Variants in TBC1D22A observed in about 807,000 individuals in gnomAD.
The protein encoded by TBC1D22A is putative GTPase activator.
In TBC1D22A, 38 loss-of-function variants were observed where a neutral mutation model predicts 60.2. The ratio of observed to expected loss-of-function variants is 0.63; its 90% CI spans 0.49 to 0.83. The LOEUF (loss-of-function observed/expected upper bound fraction) is 0.83. Among genes scored for constraint, TBC1D22A ranks in the 40% least tolerant of loss-of-function variants. The probability of loss-of-function intolerance (pLI) is 0.00; values close to 1 mark genes in which losing one functional copy is unlikely to be tolerated. For synonymous variants in TBC1D22A, 302 were observed against 281.7 expected, an observed-to-expected ratio of 1.07 and a Z score of -0.72; for missense variants, 628 against 701.0, an observed-to-expected ratio of 0.90 and a Z score of 1.18.
rs776373980 is a variant in TBC1D22A at position 47,028,039 on chromosome 22, CAT to C, written c.1202-9029_1202-9028del. On this transcript the variant is annotated intron_variant, in intron 10 of 12. Transcript: ENST00000337137. The surrounding 1 kb of genome is among the most constrained non-coding windows in gnomAD (Gnocchi z 4.4). Reference sequence around the variant, plus strand: ...TAAATCAGATTTGTTGTTGCCTTCTCATATGGAAATGACCCTGTTTTGGAGGG... The same window carrying C: ...TAAATCAGATTTGTTGTTGCCTTCTCATGGAAATGACCCTGTTTTGGAGGG... 9.8e-5 allele frequency among the ~76,000 whole-genome samples: 15 copies of C among 152,304 alleles called. No individual in the cohort carries two copies. The highest frequency in any genetic ancestry group is 2.0e-4 in the Admixed American group (3 of 15,302).
intron 8 of TBC1D22A, among the ~76,000 whole-genome samples, chr22:46,965,276 A>G (rs1211408639): frequency 6.6e-6 from 1 of 152,162 alleles, no homozygotes; most frequent in Non-Finnish European, 1.5e-5. Context: ...CCAGCGTGCC[A>G]TTTTGCCATC....
In TBC1D22A at chr22:47,014,372, C is replaced by G. The variant is rs527994033; in HGVS notation, c.1201+16663C>G. The stretch of plus-strand genomic sequence containing the variant: ...GGTGTCCAGAGCCCTCTGATGACTC[C>G]CATAGCCGCAGGCCTCAGTCTGCGC... On this transcript the variant is annotated intron_variant, in intron 10 of 12. Coordinates refer to ENST00000337137, the MANE Select transcript of TBC1D22A (RefSeq NM_014346.5). Among the ~76,000 whole-genome samples the G allele has an allele frequency of 2.6e-5, 4 of 152,220 alleles. No homozygotes were observed. The East Asian group carries it at 7.7e-4, about 29-fold the overall frequency.
At chr22:46,879,329 C>T (rs1239519792) in intron 5 of TBC1D22A, among the ~76,000 whole-genome samples, 4 of 152,110 alleles carry the variant, frequency 2.6e-5, no homozygotes, top group African/African-American at 9.7e-5. Context: ...ATCAGCAATG[C>T]CCTCGTACAC....
At chr22:46,768,352 G>T (rs1372063982) in intron 1 of TBC1D22A, among the ~76,000 whole-genome samples, 1 of 152,022 alleles carries the variant, frequency 6.6e-6, no homozygotes, top group Non-Finnish European at 1.5e-5. Context: ...AGGCGTGGTG[G>T]CAGGCGCCTG....
intron 11 of TBC1D22A, among the ~76,000 whole-genome samples, chr22:47,109,094 A>G (rs1227668347): frequency 1.3e-5 from 2 of 151,942 alleles, no homozygotes; most frequent in East Asian, 3.9e-4. Context: ...GTCATATTAG[A>G]CTCCTTCCTC....
chr22:46,897,725 C>A (rs1245809909), intron 7 of TBC1D22A, among the ~76,000 whole-genome samples: 1 of 140,512 alleles, frequency 7.1e-6, no homozygotes, highest in East Asian at 2.2e-4. Flanking sequence ...AGACCCTATT[C>A]TCCTGCCTGA....
intron 5 of TBC1D22A, among the ~76,000 whole-genome samples, chr22:46,882,089 C>A (rs975916836): frequency 6.6e-6 from 1 of 152,184 alleles, no homozygotes; most frequent in African/African-American, 2.4e-5. Context: ...CTTTATCATT[C>A]CCTGAATCCC....
intron 11 of TBC1D22A, among the ~76,000 whole-genome samples, chr22:47,060,957 A>G (rs888582553): frequency 7.2e-5 from 11 of 152,198 alleles, no homozygotes; most frequent in African/African-American, 2.7e-4. Flanking sequence ...TACTGAAGAT[A>G]TATTTGCAGC....
chr22:46,792,533 T>C lies in TBC1D22A; in HGVS notation c.76T>C (p.Tyr26His). ...SKLPGSIQHV[Y>H]GAQHPPFDPL... is the part of the protein sequence containing the mutation. Reference sequence around the variant, plus strand: ...CTTTTCCATCAGCATCCAGCACGTGTATGGTGCCCAGCACCCCCCCTTTGA... The same window carrying C: ...CTTTTCCATCAGCATCCAGCACGTGCATGGTGCCCAGCACCCCCCCTTTGA... The change falls in exon 2 of 13, where the codon TAT becomes CAT. Residue 26 changes from tyrosine to histidine, a missense_variant. Tyr to His is a moderately conservative substitution (Grantham distance 83). Transcript: ENST00000337137. The C allele has an allele frequency of 6.2e-7, 1 of 1,614,232 alleles. No homozygotes were observed. Among genetic ancestry groups the C allele is most frequent in the South Asian group, 1.1e-5 (1 of 91,086 alleles).
intron 12 of TBC1D22A, among the ~76,000 whole-genome samples, chr22:47,131,124 G>A (rs2066663435): frequency 6.6e-6 from 1 of 152,174 alleles, no homozygotes; most frequent in South Asian, 2.1e-4. Flanking sequence ...ACAGGGAAGG[G>A]ACCAAGCCAT....
chr22:46,778,176 A>T (rs901548400), intron 1 of TBC1D22A, among the ~76,000 whole-genome samples: 4 of 152,026 alleles, frequency 2.6e-5, no homozygotes, highest in Non-Finnish European at 4.4e-5. Flanking sequence ...AGGGTGAGTG[A>T]ATGGGAAGGT....
intron 11 of TBC1D22A, among the ~76,000 whole-genome samples, chr22:47,041,896 C>T (rs574267601): frequency 1.2e-3 from 177 of 152,342 alleles, no homozygotes; most frequent in African/African-American, 4.0e-3. Context: ...ACTTGCCTAC[C>T]GAGGCACCAG....
intron 12 of TBC1D22A, among the ~76,000 whole-genome samples, chr22:47,170,239 C>G (rs738672): frequency 0.6 from 91,130 of 152,024 alleles, 27,549 homozygotes; most frequent in East Asian, 0.75. Context: ...GTGAACCTGG[C>G]GGACTAAATT....
intron 3 of TBC1D22A, among the ~76,000 whole-genome samples, chr22:46,795,904 G>A (rs567873726): frequency 6.6e-6 from 1 of 152,350 alleles, no homozygotes; most frequent in South Asian, 2.1e-4. Context: ...TTCACTCTGA[G>A]GAACTGTAAG....
intron 9 of TBC1D22A, among the ~76,000 whole-genome samples, chr22:46,975,589 G>T (rs982569559): frequency 1.3e-5 from 2 of 152,158 alleles, no homozygotes; most frequent in Admixed American, 6.5e-5. Context: ...CACAGAGATG[G>T]GGTTGTCACT....
intron 4 of TBC1D22A, among the ~76,000 whole-genome samples, chr22:46,829,834 A>G (rs113473568): frequency 6.4e-4 from 97 of 152,292 alleles, no homozygotes; most frequent in African/African-American, 2.2e-3. Flanking sequence ...TTTGGAGTTC[A>G]GTGCCGCGTG....
chr22:47,022,171 T>A (rs1432629719), intron 10 of TBC1D22A, among the ~76,000 whole-genome samples: 3 of 152,228 alleles, frequency 2.0e-5, no homozygotes, highest in African/African-American at 7.2e-5. Flanking sequence ...CAAACAAAGA[T>A]GCTTTCAGGT....
chr22:46,960,712 C>T (rs189933102), intron 8 of TBC1D22A, among the ~76,000 whole-genome samples: 29 of 152,020 alleles, frequency 1.9e-4, no homozygotes, highest in South Asian at 6.2e-4. Flanking sequence ...TTTTGGAGGC[C>T]GAGGCGGGTG....
At chr22:47,016,373 C>G (rs2061912129) in intron 10 of TBC1D22A, among the ~76,000 whole-genome samples, 1 of 152,196 alleles carries the variant, frequency 6.6e-6, no homozygotes, top group Admixed American at 6.5e-5. Context: ...GAGTGGTTAC[C>G]TACAGCTGGC....
Sources: gnomAD v4.1 joint callset for allele counts (sites outside exome capture counted in the v4.1 genomes callset) on GRCh38, gnomAD v4.1.1 for gene constraint, Gnocchi (gnomAD v3.1) non-coding constraint, MANE v1.5 for transcripts, NCBI Gene and HGNC (gene_info 2026-07-23, HGNC 2026-07-21) for gene names.